The following CNTN5 variants were observed in gnomAD, a reference collection of about 807,000 sequenced individuals.
The protein encoded by CNTN5 is contactin 5.
CNTN5 carries 77 observed loss-of-function variants against 129.1 expected under a neutral mutation model. The observed-to-expected ratio is 0.60, with a 90% CI of 0.50 to 0.72. The LOEUF (loss-of-function observed/expected upper bound fraction) is 0.72, where lower values mean the gene tolerates loss of function less well. Ranked by LOEUF, CNTN5 falls within the 30% of genes least tolerant of loss-of-function variation. The pLI, the probability that CNTN5 is intolerant of heterozygous loss-of-function variation, is 0.00. For synonymous variants in CNTN5, 509 were observed against 465.6 expected (o/e 1.09, Z -1.20); for missense variants, 1,478 against 1,328.8 (o/e 1.11, Z -1.75).
intron 1 of CNTN5, among the ~76,000 whole-genome samples, chr11:99,065,309 G>A (rs906216620): frequency 6.6e-6 from 1 of 152,138 alleles, no homozygotes; most frequent in African/African-American, 2.4e-5. Context: ...TCTCTCCAGG[G>A]CTGTGCAAAG....
intron 3 of CNTN5, among the ~76,000 whole-genome samples, chr11:99,634,519 A>G (rs611253): frequency 0.6 from 91,668 of 151,970 alleles, 28,479 homozygotes; most frequent in Admixed American, 0.69. Flanking sequence ...ATACTAAAAT[A>G]TTTACTTGTA....
intron 6 of CNTN5, among the ~76,000 whole-genome samples, chr11:99,895,028 G>T (rs1313630215): frequency 6.6e-6 from 1 of 152,138 alleles, no homozygotes; most frequent in Admixed American, 6.6e-5. Flanking sequence ...GCAGAAATCA[G>T]GTAGGCCTAG....
chr11:100,167,159 CAGTACACTGAGTTTAA>C (rs1189811374), intron 13 of CNTN5, among the ~76,000 whole-genome samples: 1 of 151,660 alleles, frequency 6.6e-6, no homozygotes, highest in Non-Finnish European at 1.5e-5. Context: ...CCAATTAAAA[CAGTACACTGAGTTTAA>C]TATTCATCAA....
chr11:99,963,072 G>A (rs1250205117), intron 8 of CNTN5, among the ~76,000 whole-genome samples: 2 of 152,174 alleles, frequency 1.3e-5, no homozygotes, highest in Non-Finnish European at 2.9e-5. Flanking sequence ...TTTGTCAGAT[G>A]AGTAGATTGC....
chr11:99,766,233 G>A (rs558240088), intron 3 of CNTN5, among the ~76,000 whole-genome samples: 6 of 152,090 alleles, frequency 3.9e-5, no homozygotes, highest in African/African-American at 1.2e-4. Context: ...GCCTTGATTG[G>A]AATGCAAACA....
At chr11:99,409,918 A>G (rs1942313024) in intron 2 of CNTN5, among the ~76,000 whole-genome samples, 2 of 152,248 alleles carry the variant, frequency 1.3e-5, no homozygotes, top group African/African-American at 2.4e-5. Flanking sequence ...GTCAACTATC[A>G]TTTATTGTTA....
At chr11:99,042,608 C>A (rs117955635) in intron 1 of CNTN5, among the ~76,000 whole-genome samples, 3,353 of 151,988 alleles carry the variant, frequency 0.022, 94 homozygotes, top group East Asian at 0.1. Context: ...ACCTTCTGAC[C>A]TTGTGATCTG....
intron 13 of CNTN5, among the ~76,000 whole-genome samples, chr11:100,086,734 G>T (rs1253560690): frequency 6.6e-6 from 1 of 151,306 alleles, no homozygotes; most frequent in African/African-American, 2.4e-5. Flanking sequence ...GGGAAAAAAT[G>T]AATCATATAA....
intron 2 of CNTN5, among the ~76,000 whole-genome samples, chr11:99,489,734 G>A (rs891507319): frequency 6.6e-6 from 1 of 152,098 alleles, no homozygotes; most frequent in Non-Finnish European, 1.5e-5. Context: ...GTACACCATA[G>A]AAAGAATTCA....
chr11:100,224,669 C>G, intron 15 of CNTN5, 23 bp from the exon 16 acceptor site: 1 of 1,602,322 alleles, frequency 6.2e-7, no homozygotes, highest in South Asian at 1.1e-5. Flanking sequence ...ACATTTTAAA[C>G]TGGCACTTCA....
At chr11:99,581,491 ACTTG>A (rs1193069423) in intron 3 of CNTN5, among the ~76,000 whole-genome samples, 1 of 149,264 alleles carries the variant, frequency 6.7e-6, no homozygotes, top group African/African-American at 2.5e-5. Flanking sequence ...GTCACTAAGG[ACTTG>A]CTTTATGAAT....
chr11:99,172,266 T>A (rs1408557573), intron 1 of CNTN5, among the ~76,000 whole-genome samples: 1 of 152,218 alleles, frequency 6.6e-6, no homozygotes, highest in Non-Finnish European at 1.5e-5. Flanking sequence ...AAATGACTGA[T>A]GGATACTGTG....
At chr11:99,281,634 C>A (rs1863700324) in intron 1 of CNTN5, among the ~76,000 whole-genome samples, 1 of 151,892 alleles carries the variant, frequency 6.6e-6, no homozygotes, top group South Asian at 2.1e-4. Context: ...TCATCATTAG[C>A]TTTATTGCAT....
intron 2 of CNTN5, among the ~76,000 whole-genome samples, chr11:99,371,797 C>G (rs1939841409): frequency 6.6e-6 from 1 of 152,064 alleles, no homozygotes; most frequent in African/African-American, 2.4e-5. Context: ...CACCCCATAC[C>G]AAAAGAAAAA....
intron 1 of CNTN5, among the ~76,000 whole-genome samples, chr11:99,154,116 G>A (rs1271852145): frequency 1.3e-5 from 2 of 152,140 alleles, no homozygotes; most frequent in Non-Finnish European, 2.9e-5. Flanking sequence ...GATGATCTGT[G>A]CTTGCTTGCA....
intron 3 of CNTN5, among the ~76,000 whole-genome samples, chr11:99,577,846 A>G (rs564153789): frequency 1.7e-5 from 2 of 115,036 alleles, no homozygotes; most frequent in Non-Finnish European, 3.9e-5. Flanking sequence ...TTATTATTAT[A>G]CTTTAAGTTT....
At chr11:99,909,560 G>T (rs929505733) in intron 6 of CNTN5, among the ~76,000 whole-genome samples, 2 of 152,006 alleles carry the variant, frequency 1.3e-5, no homozygotes, top group African/African-American at 4.8e-5. Context: ...TTGGAACCAA[G>T]CCAAATGTCC....
At chr11:100,053,694 CG>C (rs142279761) in intron 9 of CNTN5, among the ~76,000 whole-genome samples, 6,431 of 151,566 alleles carry the variant, frequency 0.042, 156 homozygotes, top group African/African-American at 0.069. Context: ...ATTTACTTAC[CG>C]TACATTCTAG....
At chr11:100,335,832 G>A (rs1371032514) in intron 21 of CNTN5, among the ~76,000 whole-genome samples, 1 of 151,510 alleles carries the variant, frequency 6.6e-6, no homozygotes, top group Non-Finnish European at 1.5e-5. Flanking sequence ...TATTATATGA[G>A]TCAGAATTCA....
Sources: allele counts gnomAD v4.1 joint callset (sites outside exome capture counted in the v4.1 genomes callset), GRCh38; gene constraint gnomAD v4.1.1; transcripts MANE v1.5; gene names NCBI Gene and HGNC (gene_info 2026-07-23, HGNC 2026-07-21).